The following ZFPM2 variants were observed in gnomAD, a reference collection of about 807,000 sequenced individuals.
The protein encoded by ZFPM2 is zinc finger protein ZFPM2.
ZFPM2 carries 20 observed loss-of-function variants against 98.6 expected under a neutral mutation model. The ratio of observed to expected loss-of-function variants is 0.20; its 90% confidence interval spans 0.14 to 0.29. The LOEUF is 0.29. ZFPM2 is among the 10% of genes least tolerant of loss of function. The pLI is 1.00. For missense variants in ZFPM2, 1,310 were observed against 1,388.6 expected (o/e 0.94, Z 0.90); for synonymous variants, 518 against 502.7 (o/e 1.03, Z -0.41).
chr8:105,460,928 C>T (rs547537641), intron 3 of ZFPM2, among the ~76,000 whole-genome samples: 37 of 151,924 alleles, frequency 2.4e-4, no homozygotes, highest in Admixed American at 8.5e-4. Context: ...ACATATAATG[C>T]ACTTTTTTGA....
At chr8:105,637,554 T>G (rs1318182556) in intron 5 of ZFPM2, among the ~76,000 whole-genome samples, 1 of 152,142 alleles carries the variant, frequency 6.6e-6, no homozygotes, top group Admixed American at 6.6e-5. Context: ...TCTTCTTTGA[T>G]CTTCTACCTG....
rs542347256 is a variant in ZFPM2, at chr8:105,373,649, T to C, written c.41-45495T>C. Among the ~76,000 whole-genome samples the C allele has an allele frequency of 1.3e-3, 193 of 152,202 alleles. 1 individual carries two copies. The highest frequency in any genetic ancestry group is 1.7e-3 in the Non-Finnish European group (114 of 68,006). On this transcript the variant is annotated intron_variant, in intron 1 of 7. Coordinates refer to ENST00000407775, the MANE Select transcript of ZFPM2 (RefSeq NM_012082.4). ...TTCAATTAAATAAATTGCAGAGAAA[T>C]TAATGCCTAACTGCATATTCAAGCC...
At chr8:105,560,420 A>G (rs1815107498) in intron 3 of ZFPM2, among the ~76,000 whole-genome samples, 1 of 152,154 alleles carries the variant, frequency 6.6e-6, no homozygotes, top group Non-Finnish European at 1.5e-5. Context: ...CTGAGATAAA[A>G]TTTTTAAAAT....
chr8:105,666,575 T>C (rs1177218349), intron 5 of ZFPM2, among the ~76,000 whole-genome samples: 1 of 152,226 alleles, frequency 6.6e-6, no homozygotes, highest in Non-Finnish European at 1.5e-5. Context: ...AGACCTGCAG[T>C]TCTTAAAGTG....
chr8:105,679,971 A>ATGC (rs1810564889), intron 5 of ZFPM2, among the ~76,000 whole-genome samples: 1 of 152,180 alleles, frequency 6.6e-6, no homozygotes, highest in South Asian at 2.1e-4. Flanking sequence ...TCAAAACTTG[A>ATGC]TGCTGCAAGT....
chr8:105,406,754 T>C (rs1244424978), intron 1 of ZFPM2, among the ~76,000 whole-genome samples: 4 of 151,980 alleles, frequency 2.6e-5, no homozygotes, highest in Non-Finnish European at 5.9e-5. Flanking sequence ...TACATTTTAA[T>C]CAAACTTTCG....
chr8:105,519,290 A>G (rs1586431694), intron 3 of ZFPM2, among the ~76,000 whole-genome samples: 1 of 152,152 alleles, frequency 6.6e-6, no homozygotes, highest in African/African-American at 2.4e-5. Context: ...CTGAAATTTT[A>G]TATGGTTTTG....
chr8:105,644,465 C>T (rs576751690), intron 5 of ZFPM2, among the ~76,000 whole-genome samples: 43 of 151,890 alleles, frequency 2.8e-4, no homozygotes, highest in African/African-American at 1.0e-3. Context: ...TCTGAACAGT[C>T]TGCCTAACTA....
At chr8:105,644,050 T>C (rs1466728634) in intron 5 of ZFPM2, among the ~76,000 whole-genome samples, 1 of 152,172 alleles carries the variant, frequency 6.6e-6, no homozygotes, top group Non-Finnish European at 1.5e-5. Flanking sequence ...AAATATTATG[T>C]GGTTCTTCAT....
chr8:105,754,989 TGC>T, intron 5 of ZFPM2, among the ~76,000 whole-genome samples: 5 of 148,940 alleles, frequency 3.4e-5, no homozygotes, highest in Admixed American at 6.7e-5. Context: ...TGTGTGCACG[TGC>T]GCATGTGCGC....
rs181862927 is a variant in ZFPM2 at position 105,345,103 on chromosome 8, A to C, written c.40+26122A>C. 1.6e-4 allele frequency among the ~76,000 whole-genome samples: 24 copies of C among 152,272 alleles called. No individual in the cohort carries two copies. In the East Asian group the frequency reaches 4.6e-3, roughly 29 times the overall value. ...TTAGACAAGTAATGTATATATGAGG[A>C]TGTCAATACACTTTTATATTTTAGT... On this transcript the variant is annotated intron_variant, in intron 1 of 7. Transcript: ENST00000407775.
intron 3 of ZFPM2, among the ~76,000 whole-genome samples, chr8:105,527,445 A>G (rs867609900): frequency 2.6e-5 from 4 of 152,336 alleles, no homozygotes; most frequent in Non-Finnish European, 4.4e-5. Context: ...ATTTAGAAAC[A>G]TGTCTGTATG....
At chr8:105,709,965 G>A (rs1204594348) in intron 5 of ZFPM2, among the ~76,000 whole-genome samples, 1 of 151,988 alleles carries the variant, frequency 6.6e-6, no homozygotes, top group East Asian at 1.9e-4. Context: ...CAGAAACTGG[G>A]GACATTATTT....
intron 3 of ZFPM2, among the ~76,000 whole-genome samples, chr8:105,539,658 G>T (rs1005319877): frequency 7.9e-5 from 12 of 152,138 alleles, no homozygotes; most frequent in African/African-American, 2.7e-4. Context: ...CTGGAGGAAA[G>T]AACCTTGGAT....
intron 1 of ZFPM2, among the ~76,000 whole-genome samples, chr8:105,333,483 A>G (rs1479842665): frequency 6.6e-6 from 1 of 151,766 alleles, no homozygotes; most frequent in African/African-American, 2.4e-5. Context: ...AATGTTCACT[A>G]GCAAGAAGGC....
chr8:105,656,675 T>C (rs1363901481), intron 5 of ZFPM2, among the ~76,000 whole-genome samples: 6 of 152,210 alleles, frequency 3.9e-5, no homozygotes, highest in Non-Finnish European at 8.8e-5. Flanking sequence ...GCTGTGTCAA[T>C]AGAAGAATCT....
chr8:105,529,914 A>T (rs550850359), intron 3 of ZFPM2, among the ~76,000 whole-genome samples: 2 of 152,074 alleles, frequency 1.3e-5, no homozygotes, highest in Non-Finnish European at 2.9e-5. Flanking sequence ...TATTTTTAGT[A>T]GAGACGGGGT....
rs1814132207 is a variant in ZFPM2 at position 105,804,137 on chromosome 8, T to G, written c.*599T>G. ...TGTAGCTGTATGTTTCCGTCCATTT[T>G]CTTAATCCTGAACCTGTATGTTAAA... is the stretch of plus-strand genomic sequence containing the variant. On this transcript the variant is annotated 3_prime_UTR_variant, in exon 8 of 8. Coordinates refer to ENST00000407775, the MANE Select transcript of ZFPM2 (RefSeq NM_012082.4). 6.5e-6 allele frequency: 1 copy of G among 152,798 alleles called. No homozygotes were observed. Among genetic ancestry groups the G allele is most frequent in the African/African-American group, 2.4e-5 (1 of 41,456 alleles). The allele number at this position is 152,798 out of a possible 1,614,324, so 9.5% of individuals were successfully genotyped here. A position where few individuals can be genotyped will look rare whatever the true frequency, so the allele number is the denominator to read the frequency against.
Position 105,801,576 on chromosome 8 carries a change from A to G in ZFPM2, c.1494A>G (p.Leu498=), listed in dbSNP as rs2131177786. The G allele has an allele frequency of 1.9e-6, 3 of 1,613,522 alleles. No homozygotes were observed. Among genetic ancestry groups the G allele is most frequent in the Non-Finnish European group, 2.5e-6 (3 of 1,179,768 alleles). ...IGPSFPVGPF[L]SQFSFPQDIT... is the part of the protein sequence containing the mutation. ...CTTCTTTCCCTGTGGGCCCTTTCCT[A>G]TCTCAGTTTTCTTTCCCCCAAGATA... Residue 498 remains leucine (L), a synonymous_variant, in exon 8 of 8, where the codon CTA becomes CTG. Transcript: ENST00000407775.
Sources: gnomAD v4.1 joint callset for allele counts (sites outside exome capture counted in the v4.1 genomes callset) on GRCh38, gnomAD v4.1.1 for gene constraint, MANE v1.5 for transcripts, NCBI Gene and HGNC (gene_info 2026-07-23, HGNC 2026-07-21) for gene names.